RBFOX1: variants seen among roughly 807,000 people sequenced by gnomAD.
The protein encoded by RBFOX1 is RNA binding protein fox-1 homolog 1.
Under a neutral mutation model 57.7 loss-of-function variants are expected in RBFOX1, and 8 were observed. The observed-to-expected ratio is 0.14, with a 90% CI of 0.08 to 0.25. The LOEUF is 0.25. Among genes scored for constraint, RBFOX1 ranks in the 10% least tolerant of loss-of-function variants. RBFOX1 has a pLI of 1.00. For missense variants in RBFOX1, 611 were observed against 548.5 expected (o/e 1.11, Z -1.14); for synonymous variants, 326 against 222.4 (o/e 1.47, Z -4.15).
chr16:7,086,161 G>A (rs975144065), intron 4 of RBFOX1, among the ~76,000 whole-genome samples: 1 of 152,014 alleles, frequency 6.6e-6, no homozygotes, highest in African/African-American at 2.4e-5. Flanking sequence ...CAGGTTACTC[G>A]CCACCCGTCT....
intron 3 of RBFOX1, among the ~76,000 whole-genome samples, chr16:5,661,591 G>A (rs1596638827): frequency 6.6e-6 from 1 of 152,196 alleles, no homozygotes; most frequent in Non-Finnish European, 1.5e-5. Context: ...GGTATACGGT[G>A]TAATGATTTG....
At chr16:6,810,823 AGT>A (rs971330675) in intron 3 of RBFOX1, among the ~76,000 whole-genome samples, 1 of 152,160 alleles carries the variant, frequency 6.6e-6, no homozygotes, top group African/African-American at 2.4e-5. Flanking sequence ...TCAGGAGAAC[AGT>A]GTGCCGGGAA....
In RBFOX1 at chr16:7,350,053, G is replaced by T. The variant is rs916006256; in HGVS notation, c.28-168094G>T. ...TTTCAGTTCCTTGGGTGGCTGAGGT[G>T]GGAGAATCACTTGAACTTGGGAGGC... On this transcript the variant is annotated intron_variant, in intron 4 of 15. Transcript: ENST00000550418. Among the ~76,000 whole-genome samples the T allele has an allele frequency of 1.3e-5, 2 of 152,216 alleles. 1 individual carries two copies. Among genetic ancestry groups the T allele is most frequent in the South Asian group, 4.1e-4 (2 of 4,822 alleles).
chr16:7,149,662 C>T (rs527581447), intron 4 of RBFOX1, among the ~76,000 whole-genome samples: 1 of 151,612 alleles, frequency 6.6e-6, no homozygotes, highest in Non-Finnish European at 1.5e-5. Flanking sequence ...TATGCCCCCG[C>T]AGGCCTCCCA....
chr16:6,191,697 G>A (rs1411043115), intron 1 of RBFOX1, among the ~76,000 whole-genome samples: 2 of 152,100 alleles, frequency 1.3e-5, no homozygotes, highest in African/African-American at 2.4e-5. Context: ...TGGTGATTTG[G>A]AGTTTTTAAG....
chr16:6,394,826 A>G (rs2092755363), intron 2 of RBFOX1, among the ~76,000 whole-genome samples: 1 of 152,132 alleles, frequency 6.6e-6, no homozygotes, highest in Non-Finnish European at 1.5e-5. Context: ...CCTTGGTGAA[A>G]AGATCAGTTT....
At chr16:7,223,203 A>G (rs2092858221) in intron 4 of RBFOX1, among the ~76,000 whole-genome samples, 1 of 152,234 alleles carries the variant, frequency 6.6e-6, no homozygotes, top group Non-Finnish European at 1.5e-5. Flanking sequence ...TGGCAGTGTC[A>G]GCCTAAGAGC....
intron 4 of RBFOX1, among the ~76,000 whole-genome samples, chr16:7,206,458 A>G (rs931495067): frequency 6.6e-6 from 1 of 150,766 alleles, no homozygotes; most frequent in Non-Finnish European, 1.5e-5. Context: ...TTATTAATAT[A>G]TATAATATGC....
intron 4 of RBFOX1, among the ~76,000 whole-genome samples, chr16:7,498,208 C>G (rs1446157575): frequency 1.3e-5 from 2 of 152,136 alleles, no homozygotes; most frequent in Non-Finnish European, 2.9e-5. Context: ...CTGGATATAT[C>G]TCCATAAGTC....
intron 1 of RBFOX1, among the ~76,000 whole-genome samples, chr16:6,086,065 C>T (rs1036801658): frequency 6.6e-5 from 10 of 152,050 alleles, no homozygotes; most frequent in African/African-American, 2.4e-4. Flanking sequence ...TGAGTGAGAA[C>T]ATGTGGTGTT....
At chr16:6,809,036 A>T (rs918963597) in intron 3 of RBFOX1, among the ~76,000 whole-genome samples, 1 of 152,166 alleles carries the variant, frequency 6.6e-6, no homozygotes, top group Non-Finnish European at 1.5e-5. Flanking sequence ...ACCTGTAACA[A>T]TAGTTGAGTC....
chr16:7,118,203 C>T (rs1431570168), intron 4 of RBFOX1, among the ~76,000 whole-genome samples: 2 of 152,110 alleles, frequency 1.3e-5, no homozygotes, highest in South Asian at 2.1e-4. Context: ...TACATTCCCA[C>T]CAGCAGCATA....
intron 3 of RBFOX1, among the ~76,000 whole-genome samples, chr16:6,907,915 G>A (rs918422862): frequency 1.1e-4 from 17 of 151,628 alleles, no homozygotes; most frequent in African/African-American, 4.1e-4. Context: ...CTCCTTGCTT[G>A]TAGATATGTC....
chr16:5,373,583 C>T (rs556881262), intron 1 of RBFOX1, among the ~76,000 whole-genome samples: 36 of 152,102 alleles, frequency 2.4e-4, no homozygotes, highest in Non-Finnish European at 4.0e-4. Flanking sequence ...CCTGCAGAAC[C>T]GTGAGCCAGT....
In RBFOX1 at chr16:6,300,394, A is replaced by G. The variant is rs144970015; in HGVS notation, c.-126-16601A>G. Among the ~76,000 whole-genome samples the G allele has an allele frequency of 2.6e-3, 399 of 152,340 alleles. 1 individual carries two copies. The highest frequency in any genetic ancestry group is 4.5e-3 in the Non-Finnish European group (303 of 68,032). On this transcript the variant is annotated intron_variant, in intron 1 of 15. Transcript: ENST00000550418. ...GCTTGATTTAGCCATTCCACAGTGTATACATATTTCAAAACATCATGTTGT... is the reference window on the plus strand; with the variant it reads ...GCTTGATTTAGCCATTCCACAGTGTGTACATATTTCAAAACATCATGTTGT...
chr16:5,314,896 A>G (rs2064192222), intron 1 of RBFOX1, among the ~76,000 whole-genome samples: 1 of 151,976 alleles, frequency 6.6e-6, no homozygotes, highest in Non-Finnish European at 1.5e-5. Context: ...ATGTCTTTAT[A>G]ACAACACAGA....
At chr16:6,493,632 A>C (rs2095687008) in intron 2 of RBFOX1, among the ~76,000 whole-genome samples, 1 of 152,308 alleles carries the variant, frequency 6.6e-6, no homozygotes, top group East Asian at 1.9e-4. Flanking sequence ...GCAGTAACAA[A>C]ACCCTTTATA....
At chr16:6,478,819 G>C (rs1159809988) in intron 2 of RBFOX1, among the ~76,000 whole-genome samples, 1 of 152,096 alleles carries the variant, frequency 6.6e-6, no homozygotes, top group Non-Finnish European at 1.5e-5. Context: ...TATGGGCACA[G>C]TTTTTGGCAC....
In RBFOX1 at chr16:7,179,635, G is replaced by C. The variant is rs1466122201; in HGVS notation, c.27+127537G>C. Among the ~76,000 whole-genome samples, 3 of 152,208 alleles carry C rather than the reference G, an allele frequency of 2.0e-5. No homozygotes were observed. In the East Asian group the frequency reaches 5.8e-4, roughly 29 times the overall value. On this transcript the variant is annotated intron_variant, in intron 4 of 15. Coordinates refer to ENST00000550418, the MANE Select transcript of RBFOX1 (RefSeq NM_018723.4). ...ATTAAATTAGGAAGCTGACCACATA[G>C]GGGGAGATTCCAACAGCAACACAAT...
Sources: allele counts gnomAD v4.1 joint callset (sites outside exome capture counted in the v4.1 genomes callset), GRCh38; gene constraint gnomAD v4.1.1; transcripts MANE v1.5; gene names NCBI Gene and HGNC (gene_info 2026-07-23, HGNC 2026-07-21).